Variants in NKAIN2 observed in about 807,000 individuals in gnomAD.
NKAIN2 encodes the protein sodium/potassium transporting ATPase interacting 2, also known as sodium/potassium-transporting ATPase subunit beta-1-interacting protein 2.
Under a neutral mutation model 32.6 loss-of-function variants are expected in NKAIN2, and 14 were observed. The observed-to-expected ratio is 0.43, with a 90% CI of 0.28 to 0.67. NKAIN2 has a LOEUF of 0.67. Ranked by LOEUF, NKAIN2 falls within the 30% of genes least tolerant of loss-of-function variation. NKAIN2 has a pLI of 0.17. For missense variants in NKAIN2, 198 were observed against 258.3 expected, an observed-to-expected ratio of 0.77 and a Z score of 1.60; for synonymous variants, 80 against 87.2, an observed-to-expected ratio of 0.92 and a Z score of 0.46.
chr6:123,810,966 A>G (rs1454731350), intron 1 of NKAIN2, among the ~76,000 whole-genome samples: 1 of 152,334 alleles, frequency 6.6e-6, no homozygotes, highest in East Asian at 1.9e-4. Context: ...TTCTGACTGC[A>G]GAGGCCTGGG....
At chr6:124,589,898 C>T (rs952682635) in intron 3 of NKAIN2, among the ~76,000 whole-genome samples, 2 of 151,794 alleles carry the variant, frequency 1.3e-5, no homozygotes, top group African/African-American at 4.8e-5. Context: ...TCATTATTCA[C>T]CTCCCACTTA....
chr6:124,607,302 T>C (rs1292987273), intron 3 of NKAIN2, among the ~76,000 whole-genome samples: 2 of 152,164 alleles, frequency 1.3e-5, no homozygotes, highest in African/African-American at 4.8e-5. Context: ...AAACTCTTCA[T>C]GGATTGGGCA....
intron 1 of NKAIN2, among the ~76,000 whole-genome samples, chr6:124,099,948 T>A (rs1020514161): frequency 6.6e-6 from 1 of 152,210 alleles, no homozygotes; most frequent in African/African-American, 2.4e-5. Flanking sequence ...GATTTAAAGA[T>A]CGGTTGCTAC....
chr6:124,646,539 T>C (rs540523944), intron 3 of NKAIN2, among the ~76,000 whole-genome samples: 6 of 152,206 alleles, frequency 3.9e-5, no homozygotes, highest in African/African-American at 1.4e-4. Context: ...GGCCCATATA[T>C]TGAAAGGCCC....
At chr6:123,969,266 A>T (rs1028835443) in intron 1 of NKAIN2, among the ~76,000 whole-genome samples, 9 of 152,164 alleles carry the variant, frequency 5.9e-5, no homozygotes, top group African/African-American at 2.2e-4. Context: ...TTTGCTCATT[A>T]TGGTATGAAA....
chr6:124,438,900 C>T (rs9491178), intron 3 of NKAIN2, among the ~76,000 whole-genome samples: 9,002 of 152,086 alleles, frequency 0.059, 779 homozygotes, highest in African/African-American at 0.19. Flanking sequence ...TGTATTTTTA[C>T]GACCCAGCTG....
intron 1 of NKAIN2, among the ~76,000 whole-genome samples, chr6:123,805,364 T>G (rs927011125): frequency 6.6e-5 from 10 of 152,210 alleles, no homozygotes; most frequent in African/African-American, 1.7e-4. Context: ...CCTTAAGTGT[T>G]CTTGTTTATC....
chr6:124,354,038 C>G (rs957657146), intron 2 of NKAIN2, among the ~76,000 whole-genome samples: 2 of 152,274 alleles, frequency 1.3e-5, no homozygotes, highest in Admixed American at 6.5e-5. Flanking sequence ...CCTGCTCTTT[C>G]CTTTGTTTAC....
intron 5 of NKAIN2, among the ~76,000 whole-genome samples, chr6:124,817,353 C>A (rs768771324): frequency 1.3e-5 from 2 of 151,926 alleles, no homozygotes; most frequent in Non-Finnish European, 2.9e-5. Flanking sequence ...GACTGGACAC[C>A]CCGATTGAAA....
chr6:124,412,175 A>G (rs62436313), intron 3 of NKAIN2, among the ~76,000 whole-genome samples: 6,797 of 151,428 alleles, frequency 0.045, 250 homozygotes, highest in Non-Finnish European at 0.065. Context: ...CCTTCTCTCA[A>G]CTCCTCAAAG....
intron 1 of NKAIN2, among the ~76,000 whole-genome samples, chr6:123,971,448 C>G (rs565284622): frequency 6.6e-6 from 1 of 151,984 alleles, no homozygotes; most frequent in Non-Finnish European, 1.5e-5. Flanking sequence ...TGCTTTTTAT[C>G]ATAGCACTCC....
At chr6:124,582,698 T>C (rs1296765540) in intron 3 of NKAIN2, among the ~76,000 whole-genome samples, 2 of 152,188 alleles carry the variant, frequency 1.3e-5, no homozygotes, top group African/African-American at 2.4e-5. Context: ...ATATGCCTGA[T>C]GAATGTTTAT....
chr6:123,822,856 G>A (rs1293070509), intron 1 of NKAIN2, among the ~76,000 whole-genome samples: 2 of 152,158 alleles, frequency 1.3e-5, no homozygotes, highest in Non-Finnish European at 1.5e-5. Context: ...AATTTGAGTA[G>A]TTAATGCATT....
At chr6:124,815,487 C>T (rs1301765889) in intron 5 of NKAIN2, among the ~76,000 whole-genome samples, 1 of 151,968 alleles carries the variant, frequency 6.6e-6, no homozygotes, top group Admixed American at 6.6e-5. Flanking sequence ...CCAGGCTGGT[C>T]TTCAACTGCT....
intron 3 of NKAIN2, among the ~76,000 whole-genome samples, chr6:124,496,885 T>A (rs1008447586): frequency 1.3e-5 from 2 of 152,114 alleles, no homozygotes; most frequent in Non-Finnish European, 2.9e-5. Context: ...GTATGAGGTA[T>A]GGAAATGAGA....
intron 1 of NKAIN2, among the ~76,000 whole-genome samples, chr6:124,101,968 A>G (rs192890308): frequency 4.6e-5 from 7 of 152,316 alleles, no homozygotes; most frequent in Admixed American, 1.3e-4. Context: ...TGTCTGTACC[A>G]AGATACTGGA....
chr6:124,463,314 A>G (rs568318558), intron 3 of NKAIN2, among the ~76,000 whole-genome samples: 2 of 152,212 alleles, frequency 1.3e-5, no homozygotes, highest in East Asian at 1.9e-4. Context: ...CTCTATTTCA[A>G]CCAATTATGT....
intron 1 of NKAIN2, among the ~76,000 whole-genome samples, chr6:123,974,563 T>C (rs1386554800): frequency 6.6e-6 from 1 of 152,112 alleles, no homozygotes; most frequent in East Asian, 1.9e-4. Flanking sequence ...AAAAACCCAA[T>C]GTCAAAATGT....
chr6:124,523,814 G>C (rs1015974913), intron 3 of NKAIN2, among the ~76,000 whole-genome samples: 1 of 152,000 alleles, frequency 6.6e-6, no homozygotes, highest in African/African-American at 2.4e-5. Flanking sequence ...CAATCAGAAG[G>C]TCTTCAAAGA....
Sources: allele counts gnomAD v4.1 joint callset (sites outside exome capture counted in the v4.1 genomes callset), GRCh38; gene constraint gnomAD v4.1.1; transcripts MANE v1.5; gene names NCBI Gene and HGNC (gene_info 2026-07-23, HGNC 2026-07-21).